AKNAD1: variants seen among roughly 807,000 people sequenced by gnomAD.
AKNAD1 encodes the protein AKNA domain containing 1, also known as protein AKNAD1.
AKNAD1 carries 67 observed loss-of-function variants against 90.8 expected under a neutral mutation model. The observed-to-expected ratio is 0.74, with a 90% confidence interval of 0.61 to 0.90. The LOEUF is 0.90. Ranked by LOEUF, AKNAD1 falls within the 40% of genes least tolerant of loss-of-function variation. AKNAD1 has a pLI of 0.00. For missense variants in AKNAD1, 957 were observed against 975.4 expected, an observed-to-expected ratio of 0.98 and a Z score of 0.25; for synonymous variants, 327 against 341.4, an observed-to-expected ratio of 0.96 and a Z score of 0.46.
chr1:108,827,386 A>C, intron 10 of AKNAD1, 84 bp from the exon 11 acceptor site: 5 of 997,928 alleles, frequency 5.0e-6, no homozygotes, highest in Non-Finnish European at 7.9e-6. Flanking sequence ...GAAACGTTAA[A>C]TTTTGTTATA....
At chr1:108,849,770 A>G (rs1390319304) in intron 2 of AKNAD1, among the ~76,000 whole-genome samples, 194 bp from the exon 3 acceptor site, 2 of 152,202 alleles carry the variant, frequency 1.3e-5, no homozygotes, top group Non-Finnish European at 2.9e-5. Context: ...CTCATCACTT[A>G]TAAGCCTGCA....
In AKNAD1 at chr1:108,848,658, CA is replaced by C; in HGVS notation, c.1245+93del. On this transcript the variant is annotated intron_variant, in intron 5 of 15. Transcript: ENST00000370001. ...TTTAGCAAAACATTTCCACTCCCAC[CA>C]CTGTAGAGAAAACATGGCACTATAA... is the stretch of plus-strand genomic sequence containing the variant. 4.5e-6 allele frequency: 5 copies of C among 1,123,168 alleles called. No homozygotes were observed. In the South Asian group the frequency reaches 7.3e-5, roughly 16 times the overall value. The allele number at this position is 1,123,168 out of a possible 1,614,324, so 69.6% of individuals were successfully genotyped here.
chr1:108,817,496 A>AGTTT (rs1663652725), intron 14 of AKNAD1: 1 of 45,158 alleles, frequency 2.2e-5, no homozygotes, highest in African/African-American at 8.6e-5. Context: ...TTTTTTTTTT[A>AGTTT]ATTTTTTTTT....
At chr1:108,822,561 C>T (rs1305794867) in intron 13 of AKNAD1, among the ~76,000 whole-genome samples, 1 of 152,102 alleles carries the variant, frequency 6.6e-6, no homozygotes, top group African/African-American at 2.4e-5. Flanking sequence ...CAGCTGAGGT[C>T]AGTCAGGTAA....
At chr1:108,841,197 AAAT>A (rs1387561495) in intron 6 of AKNAD1, among the ~76,000 whole-genome samples, 2 of 151,688 alleles carry the variant, frequency 1.3e-5, no homozygotes, top group African/African-American at 4.8e-5. Context: ...GTAATAATAA[AAAT>A]AATAATAATA....
intron 13 of AKNAD1, among the ~76,000 whole-genome samples, 153 bp from the exon 14 acceptor site, chr1:108,820,779 T>C (rs1465978576): frequency 6.6e-6 from 1 of 152,190 alleles, no homozygotes; most frequent in South Asian, 2.1e-4. Context: ...CAAAGAACTT[T>C]TGCTGGGCGC....
At chr1:108,820,837 G>A (rs1663789087) in intron 13 of AKNAD1, among the ~76,000 whole-genome samples, 1 of 151,722 alleles carries the variant, frequency 6.6e-6, no homozygotes, top group South Asian at 2.1e-4. Flanking sequence ...TAAGGTGGGA[G>A]GATTGTTTGA....
At chr1:108,843,026 C>A in intron 6 of AKNAD1, 108 bp downstream of exon 6, 1 of 1,425,042 alleles carries the variant, frequency 7.0e-7, no homozygotes, top group Non-Finnish European at 9.6e-7. Context: ...TTTCTGCTGA[C>A]CCTAGACCAG....
chr1:108,824,655 C>A lies in AKNAD1; in HGVS notation c.1937-967G>T, dbSNP rs1201263085. ...TGAGCCAAGGTTTCATTCTGTTGCT[C>A]CCAGGCTGAAATGCAGTGGCTCAAT... On this transcript the variant is annotated intron_variant, in intron 11 of 15. Coordinates refer to ENST00000370001, the MANE Select transcript of AKNAD1 (RefSeq NM_152763.5). Among the ~76,000 whole-genome samples, 3 of 151,484 alleles carry A rather than the reference C, an allele frequency of 2.0e-5. 1 individual carries two copies. In the East Asian group the frequency reaches 6.0e-4, roughly 30 times the overall value.
intron 9 of AKNAD1, among the ~76,000 whole-genome samples, chr1:108,833,903 C>G (rs1664290691): frequency 6.6e-6 from 1 of 151,906 alleles, no homozygotes; most frequent in Non-Finnish European, 1.5e-5. Flanking sequence ...AACTACTCTT[C>G]CTCTGCAAAA....
chr1:108,828,264 C>A (rs139237792), intron 10 of AKNAD1, among the ~76,000 whole-genome samples: 1 of 151,498 alleles, frequency 6.6e-6, no homozygotes, highest in Non-Finnish European at 1.5e-5. Flanking sequence ...TGAGGGAGCA[C>A]GTGAAGGTGA....
chr1:108,819,305 T>A (rs963975064), intron 14 of AKNAD1, among the ~76,000 whole-genome samples: 2 of 152,088 alleles, frequency 1.3e-5, no homozygotes, highest in Non-Finnish European at 2.9e-5. Flanking sequence ...AAGAAATTTT[T>A]AAATTCCCTG....
intron 1 of AKNAD1, among the ~76,000 whole-genome samples, chr1:108,854,055 A>G (rs1664960770): frequency 6.6e-6 from 1 of 152,178 alleles, no homozygotes; most frequent in Admixed American, 6.5e-5. Context: ...CTAGTCAGAG[A>G]GGCTGCCTTC....
upstream of AKNAD1, among the ~76,000 whole-genome samples, chr1:108,857,818 G>A (rs2101231995): frequency 6.6e-6 from 1 of 152,284 alleles, no homozygotes; most frequent in East Asian, 1.9e-4. Flanking sequence ...CAGCCCTACT[G>A]ACTTTGTCAC....
chr1:108,839,963 G>A (rs1664493814), intron 6 of AKNAD1, among the ~76,000 whole-genome samples: 1 of 151,812 alleles, frequency 6.6e-6, no homozygotes, highest in Admixed American at 6.6e-5. Flanking sequence ...GTTTGAGGTT[G>A]CAATGAGCTA....
At chr1:108,837,732 T>C (rs766789535) in intron 6 of AKNAD1, 26 bp from the exon 7 acceptor site, 1 of 1,611,582 alleles carries the variant, frequency 6.2e-7, no homozygotes, top group East Asian at 2.2e-5. Context: ...CACACAGGCA[T>C]CTTCTGGGCT....
chr1:108,843,402 G>A (rs1282768741), intron 5 of AKNAD1, 135 bp from the exon 6 acceptor site: 2 of 1,155,660 alleles, frequency 1.7e-6, no homozygotes, highest in African/African-American at 1.5e-5. Context: ...AGCATAAATT[G>A]TTTTGTCTCA....
rs1454471294 is a variant in AKNAD1, at chr1:108,851,729, AAC to A, written c.934_935del (p.Val312Ter). ...SLETTPESNC[V>X]EKQHQEQKGK... is the part of the protein sequence containing the mutation. ...CTTTCTGCTCTTGATGTTGTTTTTC[AAC>A]ACAGTTTGACTCAGGCGTGGTTTCT... On this transcript the variant is annotated frameshift_variant, in exon 2 of 16. Transcript: ENST00000370001. LOFTEE classifies it high-confidence loss of function. 5 of 1,602,834 alleles carry A rather than the reference AAC, an allele frequency of 3.1e-6. No homozygotes were observed. The Admixed American group carries it at 5.3e-5, about 17-fold the overall frequency.
intron 13 of AKNAD1, among the ~76,000 whole-genome samples, chr1:108,821,199 C>T (rs777283279): frequency 2.9e-4 from 44 of 151,980 alleles, no homozygotes; most frequent in Non-Finnish European, 4.9e-4. Flanking sequence ...GTTTTTAATC[C>T]CAGCACTTTG....
Sources: gnomAD v4.1 joint callset for allele counts (sites outside exome capture counted in the v4.1 genomes callset) on GRCh38, gnomAD v4.1.1 for gene constraint, MANE v1.5 for transcripts, NCBI Gene and HGNC (gene_info 2026-07-23, HGNC 2026-07-21) for gene names.